BCL7C: variants seen among roughly 807,000 people sequenced by gnomAD.
The protein encoded by BCL7C is B-cell CLL/lymphoma 7 protein family member C.
A neutral mutation model predicts 26.2 loss-of-function variants in BCL7C; 8 were observed. That is an observed-to-expected ratio of 0.30 (90% CI 0.18 to 0.55). BCL7C has a LOEUF of 0.55. BCL7C is among the 20% of genes least tolerant of loss of function. The pLI is 0.93. For missense variants in BCL7C, 262 were observed against 298.5 expected, an observed-to-expected ratio of 0.88 and a Z score of 0.90; for synonymous variants, 90 against 116.5, an observed-to-expected ratio of 0.77 and a Z score of 1.47.
intron 5 of BCL7C, among the ~76,000 whole-genome samples, chr16:30,849,080 G>A (rs1171819943): frequency 2.0e-5 from 3 of 151,586 alleles, no homozygotes; most frequent in African/African-American, 4.9e-5. Flanking sequence ...CCAGCTACTC[G>A]GGAGGCTGAG....
downstream of BCL7C, among the ~76,000 whole-genome samples, chr16:30,886,608 C>T (rs2055135872): frequency 6.6e-6 from 1 of 152,174 alleles, no homozygotes; most frequent in South Asian, 2.1e-4. Flanking sequence ...AAGACAGACA[C>T]ACAAACCACG....
intron 5 of BCL7C, among the ~76,000 whole-genome samples, chr16:30,859,913 C>T (rs1021630634): frequency 4.6e-5 from 7 of 152,226 alleles, no homozygotes; most frequent in African/African-American, 1.7e-4. Context: ...AGGACTCCTT[C>T]GGGAGACCAG....
At chr16:30,857,683 C>T (rs1401820428) in intron 5 of BCL7C, among the ~76,000 whole-genome samples, 1 of 151,948 alleles carries the variant, frequency 6.6e-6, no homozygotes, top group Non-Finnish European at 1.5e-5. Flanking sequence ...AAAACCATGC[C>T]TTGGAGGCCG....
chr16:30,892,522 T>C, intron 4 of BCL7C, 64 bp downstream of exon 4: 1 of 1,488,454 alleles, frequency 6.7e-7, no homozygotes. Flanking sequence ...GATGAGCTGG[T>C]AGGTTAGACT....
At chr16:30,854,512 G>C (rs146253704) in intron 5 of BCL7C, among the ~76,000 whole-genome samples, 3 of 152,074 alleles carry the variant, frequency 2.0e-5, no homozygotes, top group Non-Finnish European at 4.4e-5. Context: ...TCTTCAAAGC[G>C]TTGAAACCTG....
At chr16:30,839,684 A>G (rs184388497) in intron 5 of BCL7C, among the ~76,000 whole-genome samples, 34 of 152,348 alleles carry the variant, frequency 2.2e-4, no homozygotes, top group African/African-American at 7.7e-4. Context: ...TTTGGCTAAC[A>G]ACCTAAACGA....
At chr16:30,862,014 CT>C (rs2151372788) in intron 5 of BCL7C, among the ~76,000 whole-genome samples, 2 of 151,884 alleles carry the variant, frequency 1.3e-5, no homozygotes, top group African/African-American at 2.4e-5. Context: ...CAGGCACTGG[CT>C]AATTTTTTGT....
chr16:30,842,749 T>C (rs2054610156), intron 5 of BCL7C, among the ~76,000 whole-genome samples: 1 of 152,102 alleles, frequency 6.6e-6, no homozygotes, highest in South Asian at 2.1e-4. Flanking sequence ...TTTGTATTTT[T>C]AGTACAGACA....
chr16:30,839,976 T>C (rs532214330), intron 5 of BCL7C, among the ~76,000 whole-genome samples: 3 of 152,324 alleles, frequency 2.0e-5, no homozygotes, highest in Admixed American at 6.5e-5. Context: ...TCTTGCATTA[T>C]GCTGGTGGAG....
Position 30,892,700 on chromosome 16 carries a change from C to T in BCL7C, c.328G>A (p.Gly110Ser). 1 of 1,614,118 alleles carries T rather than the reference C, an allele frequency of 6.2e-7. No individual in the cohort carries two copies. Among genetic ancestry groups the T allele is most frequent in the Non-Finnish European group, 8.5e-7 (1 of 1,180,008 alleles). Residue 110 changes from glycine to serine, a missense_variant, in exon 4 of 6, where the codon GGC (glycine) becomes AGC (serine). Coordinates refer to ENST00000215115, the MANE Select transcript of BCL7C (RefSeq NM_004765.4). The stretch of plus-strand genomic sequence containing the variant: ...GTGCCCCCAGGACTGGGCTCTGTGC[C>T]CTTTTGCAGGGAACCTTCCGAATGG... The part of the protein sequence containing the change: ...SFHSEGSLQK[G>S]TEPSPGGTPQ...
intron 5 of BCL7C, chr16:30,840,582 G>C (rs1221579854): frequency 6.6e-6 from 1 of 152,174 alleles, no homozygotes; most frequent in African/African-American, 2.4e-5. Flanking sequence ...ACTATGGATG[G>C]GTAAACATGG....
rs577401299 is a variant in BCL7C, at chr16:30,865,788, G to A, written c.528+23072C>T. Among the ~76,000 whole-genome samples the A allele has an allele frequency of 1.7e-4, 23 of 138,692 alleles. No homozygotes were observed. In the South Asian group the frequency reaches 4.3e-3, roughly 26 times the overall value. The allele number at this position is 138,692 out of a possible 152,430, so 91.0% of individuals were successfully genotyped here. On this transcript the variant is annotated intron_variant, in intron 5 of 5. Transcript: ENST00000380317. ...GTCACCCAGGCTGGAGTGCAGTGGCGTGATCTTGGCTCACTGCAACCTCCA... is the reference window on the plus strand; with the variant it reads ...GTCACCCAGGCTGGAGTGCAGTGGCATGATCTTGGCTCACTGCAACCTCCA...
At chr16:30,851,534 C>G in intron 5 of BCL7C, 2 of 284,974 alleles carry the variant, frequency 7.0e-6, no homozygotes, top group Non-Finnish European at 1.3e-5. Flanking sequence ...GCCACCGCAC[C>G]CGGCCTCAAT....
intron 4 of BCL7C, among the ~76,000 whole-genome samples, chr16:30,889,520 C>T (rs1273904569): frequency 6.6e-6 from 1 of 152,080 alleles, no homozygotes; most frequent in African/African-American, 2.4e-5. Flanking sequence ...GACAGAGTCT[C>T]GCTGTGTCCC....
chr16:30,883,873 C>T (rs2055083698), downstream of BCL7C, among the ~76,000 whole-genome samples: 1 of 147,516 alleles, frequency 6.8e-6, no homozygotes, highest in African/African-American at 2.5e-5. Flanking sequence ...GGCCTGTAAT[C>T]CCAGCACTTT....
At chr16:30,849,130 T>C (rs1347337676) in intron 5 of BCL7C, among the ~76,000 whole-genome samples, 2 of 150,120 alleles carry the variant, frequency 1.3e-5, no homozygotes, top group Non-Finnish European at 3.0e-5. Context: ...GAGTTTTCAG[T>C]GAGCCGAGAT....
At chr16:30,856,060 TAAAAAAAAA>T (rs758984617) in intron 5 of BCL7C, among the ~76,000 whole-genome samples, 10 of 97,412 alleles carry the variant, frequency 1.0e-4, no homozygotes, top group South Asian at 6.8e-4. Context: ...AGACTCCATC[TAAAAAAAAA>T]AAAAAAAAAA....
chr16:30,867,849 G>A (rs1255782309), intron 5 of BCL7C, among the ~76,000 whole-genome samples: 1 of 151,974 alleles, frequency 6.6e-6, no homozygotes, highest in Admixed American at 6.6e-5. Flanking sequence ...ATCAGAGGGA[G>A]ATGTGATTGT....
rs779018383 is a variant in BCL7C, at chr16:30,887,858, C to T, written c.*7G>A. On this transcript the variant is annotated 3_prime_UTR_variant, in exon 6 of 6. Coordinates refer to ENST00000215115, the MANE Select transcript of BCL7C (RefSeq NM_004765.4). ...CCCTGGGGCAACAGGACAGGCAGGC[C>T]GGCTTCTCAGGGGTCAGGGGCATTT... 9 of 1,566,964 alleles carry T rather than the reference C, an allele frequency of 5.7e-6. No individual in the cohort carries two copies. Among genetic ancestry groups the T allele is most frequent in the East Asian group, 4.9e-5 (2 of 41,036 alleles).
Sources: gnomAD v4.1 joint callset for allele counts (sites outside exome capture counted in the v4.1 genomes callset) on GRCh38, gnomAD v4.1.1 for gene constraint, MANE v1.5 for transcripts, NCBI Gene and HGNC (gene_info 2026-07-23, HGNC 2026-07-21) for gene names.